Variants in LRRC4C observed in about 807,000 individuals in gnomAD.
The protein encoded by LRRC4C is leucine-rich repeat-containing protein 4C.
In LRRC4C, 5 loss-of-function variants were observed where a neutral mutation model predicts 33.6. That is an observed-to-expected ratio of 0.15 (90% CI 0.08 to 0.31). The LOEUF is 0.31. Among genes scored for constraint, LRRC4C ranks in the 10% least tolerant of loss-of-function variants. LRRC4C has a pLI of 1.00. For missense variants in LRRC4C, 560 were observed against 796.7 expected (o/e 0.70, Z 3.58); for synonymous variants, 329 against 302.0 (o/e 1.09, Z -0.93).
chr11:40,133,184 G>A (rs931336251), intron 6 of LRRC4C, among the ~76,000 whole-genome samples: 5 of 152,152 alleles, frequency 3.3e-5, no homozygotes, highest in African/African-American at 9.6e-5. Flanking sequence ...TTAATCCTTC[G>A]AAAATGCTCT....
chr11:40,128,682 T>A (rs1434470789), intron 6 of LRRC4C, among the ~76,000 whole-genome samples: 1 of 152,126 alleles, frequency 6.6e-6, no homozygotes, highest in East Asian at 1.9e-4. Context: ...TTACTCCACC[T>A]TCTCGGTTCC....
intron 3 of LRRC4C, among the ~76,000 whole-genome samples, chr11:40,434,096 T>C (rs7106451): frequency 0.38 from 58,236 of 152,006 alleles, 11,701 homozygotes; most frequent in East Asian, 0.53. Flanking sequence ...ATTTAGCAAA[T>C]CTTTCAACTA....
chr11:40,963,634 G>A (rs936055200), intron 1 of LRRC4C, among the ~76,000 whole-genome samples: 2 of 151,650 alleles, frequency 1.3e-5, no homozygotes, highest in African/African-American at 4.8e-5. Context: ...TATACAAACA[G>A]TAATTCCTCC....
chr11:40,778,252 A>G (rs1591695829), intron 2 of LRRC4C, among the ~76,000 whole-genome samples: 1 of 152,190 alleles, frequency 6.6e-6, no homozygotes, highest in East Asian at 1.9e-4. Context: ...TGGCCTGGTG[A>G]TAGTGAATTC....
intron 1 of LRRC4C, among the ~76,000 whole-genome samples, chr11:41,360,239 C>T (rs948997491): frequency 1.3e-5 from 2 of 152,072 alleles, no homozygotes; most frequent in African/African-American, 4.8e-5. Flanking sequence ...TAGGCATCTC[C>T]TCTCCATCCC....
At chr11:40,127,647 A>G (rs11035704) in intron 6 of LRRC4C, among the ~76,000 whole-genome samples, 7,666 of 152,314 alleles carry the variant, frequency 0.05, 263 homozygotes, top group Middle Eastern at 0.075. Flanking sequence ...GAGAAAGTAA[A>G]TGACTTTAAT....
rs565029624 is a variant in LRRC4C at position 40,700,199 on chromosome 11, G to A, written c.-406-51921C>T. ...CAGATTAATCCTCAAGGAATCCCTC[G>A]AGCCATCTACTTTCCTGTCATGTTA... On this transcript the variant is annotated intron_variant, in intron 2 of 6. Transcript: ENST00000528697. Among the ~76,000 whole-genome samples the A allele has an allele frequency of 9.9e-5, 15 of 152,170 alleles. No individual in the cohort carries two copies. In the East Asian group the frequency reaches 1.4e-3, roughly 14 times the overall value.
intron 1 of LRRC4C, among the ~76,000 whole-genome samples, chr11:41,404,535 G>C (rs11036387): frequency 8.6e-4 from 32 of 37,290 alleles, no homozygotes; most frequent in Admixed American, 1.1e-3. Context: ...AAGACACACA[G>C]ACACACACAC....
At chr11:41,284,961 G>A (rs566604389) in intron 1 of LRRC4C, among the ~76,000 whole-genome samples, 2 of 152,236 alleles carry the variant, frequency 1.3e-5, no homozygotes, top group East Asian at 3.9e-4. Context: ...GGGGATTAGG[G>A]CTCTAATCAT....
chr11:41,370,290 C>A (rs762033970), intron 1 of LRRC4C, among the ~76,000 whole-genome samples: 9 of 152,084 alleles, frequency 5.9e-5, no homozygotes, highest in Non-Finnish European at 1.3e-4. Context: ...TTTAAGTGAT[C>A]CTCCCACCTC....
At chr11:40,870,298 G>A (rs915440035) in intron 2 of LRRC4C, among the ~76,000 whole-genome samples, 3 of 152,052 alleles carry the variant, frequency 2.0e-5, no homozygotes, top group African/African-American at 7.2e-5. Flanking sequence ...TGAGTGGGGG[G>A]TTGCTGTGCT....
Position 40,633,510 on chromosome 11 carries a change from C to T in LRRC4C, c.-270+14632G>A, listed in dbSNP as rs1380517962. Among the ~76,000 whole-genome samples, 19 of 151,392 alleles carry T rather than the reference C, an allele frequency of 1.3e-4. No homozygotes were observed. The East Asian group carries it at 3.3e-3, about 26-fold the overall frequency. ...TTCAAGTGATTCTCCTGCCTCAGCC[C>T]CCCTAGTAGCTGGGATTACAGGTGC... On this transcript the variant is annotated intron_variant, in intron 3 of 6. Coordinates refer to ENST00000528697, the MANE Select transcript of LRRC4C (RefSeq NM_001258419.2).
intron 1 of LRRC4C, among the ~76,000 whole-genome samples, chr11:41,003,964 A>G (rs2137423571): frequency 6.6e-6 from 1 of 151,624 alleles, no homozygotes; most frequent in African/African-American, 2.4e-5. Context: ...ATAAAGAAAG[A>G]GTGTGCTTAT....
At chr11:41,407,370 C>T (rs903451883) in intron 1 of LRRC4C, among the ~76,000 whole-genome samples, 2 of 148,652 alleles carry the variant, frequency 1.3e-5, no homozygotes, top group African/African-American at 5.0e-5. Flanking sequence ...GTCATGATTA[C>T]AGCTCTTGGC....
intron 4 of LRRC4C, among the ~76,000 whole-genome samples, chr11:40,278,502 G>A (rs7120576): frequency 0.08 from 12,153 of 151,976 alleles, 631 homozygotes; most frequent in African/African-American, 0.14. Flanking sequence ...CTTCATTTCC[G>A]AAAAAGGACT....
chr11:40,190,487 G>A (rs140194155), intron 5 of LRRC4C, among the ~76,000 whole-genome samples: 3 of 152,214 alleles, frequency 2.0e-5, no homozygotes, highest in Non-Finnish European at 4.4e-5. Context: ...TCTACCATGC[G>A]GTTCCTCTGG....
At chr11:41,419,961 C>T (rs1954819375) in intron 1 of LRRC4C, among the ~76,000 whole-genome samples, 3 of 151,736 alleles carry the variant, frequency 2.0e-5, no homozygotes, top group Non-Finnish European at 4.4e-5. Flanking sequence ...ACCTTTGTAC[C>T]TTATAAGGCC....
At chr11:40,353,880 GTTTTC>G (rs577842353) in intron 3 of LRRC4C, among the ~76,000 whole-genome samples, 46 of 152,260 alleles carry the variant, frequency 3.0e-4, no homozygotes, top group Non-Finnish European at 5.1e-4. Flanking sequence ...GTGAGGTCAT[GTTTTC>G]CTGGATGGTC....
intron 1 of LRRC4C, among the ~76,000 whole-genome samples, chr11:40,969,572 C>G (rs567068555): frequency 6.6e-6 from 1 of 152,044 alleles, no homozygotes; most frequent in African/African-American, 2.4e-5. Flanking sequence ...CAGCACTCAC[C>G]ACCCTGATCA....
Sources: gnomAD v4.1 joint callset for allele counts (sites outside exome capture counted in the v4.1 genomes callset) on GRCh38, gnomAD v4.1.1 for gene constraint, MANE v1.5 for transcripts, NCBI Gene and HGNC (gene_info 2026-07-23, HGNC 2026-07-21) for gene names.